Variants in PDGFD observed in about 807,000 individuals in gnomAD.
PDGFD encodes the protein platelet derived growth factor D, also known as platelet-derived growth factor D.
In PDGFD, 30 loss-of-function variants were observed where a neutral mutation model predicts 44.7. The ratio of observed to expected loss-of-function variants is 0.67; its 90% CI spans 0.50 to 0.91. The LOEUF (loss-of-function observed/expected upper bound fraction) is 0.91. Ranked by LOEUF, PDGFD falls within the 40% of genes least tolerant of loss-of-function variation. The pLI is 0.00. For missense variants in PDGFD, 445 were observed against 457.8 expected (o/e 0.97, Z 0.25); for synonymous variants, 173 against 168.4 (o/e 1.03, Z -0.21).
At chr11:103,979,639 G>T (rs1194569459) in intron 3 of PDGFD, among the ~76,000 whole-genome samples, 1 of 152,048 alleles carries the variant, frequency 6.6e-6, no homozygotes, top group Non-Finnish European at 1.5e-5. Flanking sequence ...TTTGCTAGTT[G>T]TTGTGATTTG....
intron 1 of PDGFD, among the ~76,000 whole-genome samples, chr11:104,048,107 A>G (rs888852310): frequency 6.6e-6 from 1 of 152,072 alleles, no homozygotes; most frequent in Non-Finnish European, 1.5e-5. Context: ...CTCTCATAGA[A>G]GCATTTTTCT....
intron 4 of PDGFD, among the ~76,000 whole-genome samples, chr11:103,945,397 A>G (rs1262944428): frequency 6.6e-6 from 1 of 152,156 alleles, no homozygotes; most frequent in African/African-American, 2.4e-5. Context: ...TGGAAGACTT[A>G]TAATTCAGGA....
intron 1 of PDGFD, among the ~76,000 whole-genome samples, chr11:104,110,910 T>TA (rs988444572): frequency 5.3e-5 from 8 of 152,062 alleles, no homozygotes; most frequent in African/African-American, 1.7e-4. Context: ...GAATAAAAAC[T>TA]AAAAAAATCC....
intron 1 of PDGFD, among the ~76,000 whole-genome samples, chr11:104,004,220 T>G (rs1021044243): frequency 6.6e-6 from 1 of 152,194 alleles, no homozygotes; most frequent in Non-Finnish European, 1.5e-5. Flanking sequence ...TTCCTTCTTA[T>G]GTAGTTTGAT....
chr11:103,962,854 C>T (rs1043638939), intron 3 of PDGFD, among the ~76,000 whole-genome samples: 3 of 152,090 alleles, frequency 2.0e-5, no homozygotes, highest in Non-Finnish European at 4.4e-5. Flanking sequence ...TCATTACATT[C>T]TTTCCAAAAT....
At chr11:104,088,174 G>C (rs1861161882) in intron 1 of PDGFD, among the ~76,000 whole-genome samples, 1 of 152,154 alleles carries the variant, frequency 6.6e-6, no homozygotes, top group Non-Finnish European at 1.5e-5. Context: ...GTTTCTCTCT[G>C]TGCCACCTGC....
intron 1 of PDGFD, among the ~76,000 whole-genome samples, chr11:104,090,068 G>A (rs1336532268): frequency 6.6e-6 from 1 of 152,108 alleles, no homozygotes; most frequent in African/African-American, 2.4e-5. Flanking sequence ...TTTTATAAGA[G>A]TGATTACAGT....
chr11:104,058,637 T>G (rs1340795289), intron 1 of PDGFD, among the ~76,000 whole-genome samples: 1 of 152,194 alleles, frequency 6.6e-6, no homozygotes, highest in Non-Finnish European at 1.5e-5. Context: ...CTCATAGGTA[T>G]TTATGCCAAG....
chr11:104,055,020 T>G (rs533948451), intron 1 of PDGFD, among the ~76,000 whole-genome samples: 44 of 152,346 alleles, frequency 2.9e-4, no homozygotes, highest in African/African-American at 1.0e-3. Flanking sequence ...AGAAGTTTAT[T>G]TATTTTAATG....
intron 1 of PDGFD, among the ~76,000 whole-genome samples, chr11:104,140,371 G>A (rs1178923513): frequency 1.3e-5 from 2 of 151,944 alleles, no homozygotes; most frequent in Non-Finnish European, 2.9e-5. Context: ...TTCCAGCAGA[G>A]ACAAGTTAAA....
At chr11:103,985,712 G>A (rs1436608437) in intron 3 of PDGFD, among the ~76,000 whole-genome samples, 2 of 149,188 alleles carry the variant, frequency 1.3e-5, no homozygotes, top group Non-Finnish European at 2.9e-5. Flanking sequence ...TTAGGCTGTG[G>A]TCAGAACATG....
intron 3 of PDGFD, among the ~76,000 whole-genome samples, chr11:103,969,720 A>G (rs1287595701): frequency 6.6e-6 from 1 of 151,926 alleles, no homozygotes; most frequent in Non-Finnish European, 1.5e-5. Flanking sequence ...GTCTTTTAAA[A>G]TTTATTCACT....
chr11:103,926,999 C>T lies in PDGFD; in HGVS notation c.900G>A (p.Gln300=). Residue 300 remains glutamine (Q), a synonymous_variant, in exon 6 of 7, where the codon CAG becomes CAA. Coordinates refer to ENST00000393158, the MANE Select transcript of PDGFD (RefSeq NM_025208.5). ...VVFFPRCLLV[Q]RCGGNCGCGT... is the part of the protein sequence containing the mutation. The stretch of plus-strand genomic sequence containing the variant: ...CACAGCCACAATTTCCTCCACAGCG[C>T]TGCACGAGGAGGCAACGTGGAAAGA... 6.2e-7 allele frequency: 1 copy of T among 1,614,206 alleles called. No individual in the cohort carries two copies. The highest frequency in any genetic ancestry group is 8.5e-7 in the Non-Finnish European group (1 of 1,180,018).
chr11:104,025,593 T>C (rs1000709876), intron 1 of PDGFD, among the ~76,000 whole-genome samples: 9 of 152,144 alleles, frequency 5.9e-5, no homozygotes, highest in Admixed American at 2.0e-4. Flanking sequence ...GAGACCAGAA[T>C]AAGACCCCAG....
At chr11:104,052,446 T>C (rs1167017356) in intron 1 of PDGFD, among the ~76,000 whole-genome samples, 2 of 152,184 alleles carry the variant, frequency 1.3e-5, no homozygotes, top group East Asian at 1.9e-4. Context: ...TTCTTTACTT[T>C]TAAGTGACAT....
At chr11:104,149,066 A>T (rs1862207405) in intron 1 of PDGFD, among the ~76,000 whole-genome samples, 1 of 152,146 alleles carries the variant, frequency 6.6e-6, no homozygotes. Context: ...ATGATGGTTT[A>T]AAGTGGCAAG....
chr11:104,156,914 T>C (rs1158479069), intron 1 of PDGFD, among the ~76,000 whole-genome samples: 1 of 152,244 alleles, frequency 6.6e-6, no homozygotes, highest in East Asian at 1.9e-4. Context: ...ACATTTCTGC[T>C]GCACCTCTGG....
intron 3 of PDGFD, among the ~76,000 whole-genome samples, chr11:103,973,579 A>T (rs972554109): frequency 1.3e-5 from 2 of 152,176 alleles, no homozygotes. Context: ...TCCAGTCCTG[A>T]TAAGGTCTCT....
chr11:104,032,990 CCATTTCTCAA>C (rs1474821321), intron 1 of PDGFD, among the ~76,000 whole-genome samples: 1 of 151,614 alleles, frequency 6.6e-6, no homozygotes, highest in Non-Finnish European at 1.5e-5. Context: ...TTCAGATAAC[CCATTTCTCAA>C]CAGACTACAT....
Sources: gnomAD v4.1 joint callset for allele counts (sites outside exome capture counted in the v4.1 genomes callset) on GRCh38, gnomAD v4.1.1 for gene constraint, MANE v1.5 for transcripts, NCBI Gene and HGNC (gene_info 2026-07-23, HGNC 2026-07-21) for gene names.